KLC1: variants seen among roughly 807,000 people sequenced by gnomAD.
KLC1 encodes kinesin 2 60/70kDa.
A neutral mutation model predicts 84.2 loss-of-function variants in KLC1; 30 were observed. That is an observed-to-expected ratio of 0.36 (90% CI 0.27 to 0.48). The LOEUF is 0.48. Ranked by LOEUF, KLC1 falls within the 20% of genes least tolerant of loss-of-function variation. The probability of loss-of-function intolerance (pLI) is 0.99; values close to 1 mark genes in which losing one functional copy is unlikely to be tolerated. For synonymous variants in KLC1, 289 were observed against 293.3 expected (o/e 0.99, Z 0.15); for missense variants, 499 against 805.4 (o/e 0.62, Z 4.60).
Position 103,657,776 on chromosome 14 carries a change from C to T in KLC1, c.492C>T (p.Ser164=), listed in dbSNP as rs754322654. 8.7e-6 allele frequency: 14 copies of T among 1,606,758 alleles called. No individual in the cohort carries two copies. The highest frequency in any genetic ancestry group is 5.0e-5 in the Admixed American group (3 of 59,748). Residue 164 remains serine, a splice_region_variant and synonymous_variant, in exon 3 of 17, where the codon TCC becomes TCT. Transcript: ENST00000334553. The part of the protein sequence containing the change: ...LKKYDDDISP[S]EDKDTDSTKE... Reference sequence around the variant, plus strand: ...AATATGATGACGACATTTCCCCATCCGTGAGTGGCTCTGTAGCAAATGTGG... The same window carrying T: ...AATATGATGACGACATTTCCCCATCTGTGAGTGGCTCTGTAGCAAATGTGG...
At chr14:103,643,832 T>G (rs1336511842) in intron 1 of KLC1, among the ~76,000 whole-genome samples, 1 of 151,768 alleles carries the variant, frequency 6.6e-6, no homozygotes, top group Non-Finnish European at 1.5e-5. Context: ...GGAGGCTGAG[T>G]CAGGAGAATC....
chr14:103,662,117 A>G lies in KLC1; in HGVS notation c.494A>G (p.Glu165Gly), dbSNP rs1308134813. ...KKYDDDISPSEDKDTDSTKEP... is the reference protein window; with the variant it reads ...KKYDDDISPSGDKDTDSTKEP... ...TGTTGTCCTGGGTCTGTTTTATAGG[A>G]GGACAAAGACACTGATTCTACCAAA... Residue 165 changes from glutamate (E) to glycine (G), a missense_variant and splice_region_variant, in exon 4 of 17, where the codon GAG (glutamate) becomes GGG (glycine). Physicochemically the swap from Glu to Gly is moderately conservative, Grantham distance 98 (BLOSUM62 -2). Coordinates refer to ENST00000334553, the MANE Select transcript of KLC1 (RefSeq NM_001394837.1). 1 of 1,612,718 alleles carries G rather than the reference A, an allele frequency of 6.2e-7. No individual in the cohort carries two copies. The highest frequency in any genetic ancestry group is 1.1e-5 in the South Asian group (1 of 91,060).
intron 1 of KLC1, among the ~76,000 whole-genome samples, chr14:103,643,226 A>G (rs1217473569): frequency 6.6e-6 from 1 of 152,260 alleles, no homozygotes; most frequent in Non-Finnish European, 1.5e-5. Flanking sequence ...AAATAATGGT[A>G]GATTCTTCCA....
intron 11 of KLC1, among the ~76,000 whole-genome samples, chr14:103,676,413 C>G (rs1414237714): frequency 6.6e-6 from 1 of 152,134 alleles, no homozygotes; most frequent in Admixed American, 6.5e-5. Flanking sequence ...AGACTACAGT[C>G]TGTCGCCATG....
At chr14:103,695,514 G>A (rs1413653494) in intron 15 of KLC1, 2 of 985,248 alleles carry the variant, frequency 2.0e-6, no homozygotes, top group East Asian at 1.1e-4. Context: ...GAGGGCTCCG[G>A]AGCTTCCCTT....
At chr14:103,684,996 T>G in intron 13 of KLC1, 2 of 1,157,282 alleles carry the variant, frequency 1.7e-6, no homozygotes, top group Non-Finnish European at 1.3e-6. Context: ...ATGAGGAAAA[T>G]GAAGCTCGGG....
chr14:103,695,483 CTG>C, intron 15 of KLC1: 10 of 985,138 alleles, frequency 1.0e-5, no homozygotes, highest in Middle Eastern at 1.0e-3. Context: ...TGGGCTATGT[CTG>C]TGCACAGGCG....
At chr14:103,664,171 A>G (rs1006080127) in intron 5 of KLC1, among the ~76,000 whole-genome samples, 3 of 152,010 alleles carry the variant, frequency 2.0e-5, no homozygotes, top group East Asian at 1.9e-4. Flanking sequence ...CTTTTTTTTG[A>G]GACAGAGTCT....
At chr14:103,695,353 ATATAT>A (rs2082375334) in intron 15 of KLC1, 1 of 630,480 alleles carries the variant, frequency 1.6e-6, no homozygotes, top group Non-Finnish European at 2.0e-6. Context: ...ATATATATAT[ATATAT>A]ATACATACAT....
intron 11 of KLC1, among the ~76,000 whole-genome samples, chr14:103,676,625 T>A (rs1380525562): frequency 6.6e-6 from 1 of 152,138 alleles, no homozygotes; most frequent in East Asian, 1.9e-4. Flanking sequence ...TTCAGAAAAC[T>A]CTCTGAACTC....
chr14:103,662,968 C>A, intron 5 of KLC1, 41 bp downstream of exon 5: 1 of 1,402,466 alleles, frequency 7.1e-7, no homozygotes, highest in Admixed American at 2.2e-5. Context: ...TACCTAGAGA[C>A]AATGTTTTTA....
intron 13 of KLC1, chr14:103,679,823 G>A (rs2081205338): frequency 5.5e-6 from 2 of 361,364 alleles, no homozygotes. Flanking sequence ...TCCCTGTCTG[G>A]TTTCATTTTA....
At chr14:103,684,982 A>T in intron 13 of KLC1, 3 of 1,012,626 alleles carry the variant, frequency 3.0e-6, no homozygotes, top group Non-Finnish European at 4.6e-6. Flanking sequence ...TTTCCATTTT[A>T]AAGATGAGGA....
chr14:103,698,465 G>GAAGCAGGCGGC (rs2082764399), intron 15 of KLC1: 1 of 380,686 alleles, frequency 2.6e-6, no homozygotes, highest in African/African-American at 2.1e-5. Flanking sequence ...GTGGAGAGAA[G>GAAGCAGGCGGC]AAGCAGGCGG....
chr14:103,654,468 A>G (rs1595368030), intron 1 of KLC1, 96 bp from the exon 2 acceptor site: 4 of 931,818 alleles, frequency 4.3e-6, no homozygotes, highest in South Asian at 1.8e-5. Context: ...TTATTCCCCT[A>G]TAAAATGTTA....
intron 9 of KLC1, among the ~76,000 whole-genome samples, chr14:103,675,294 C>T (rs1292241400): frequency 1.3e-5 from 2 of 152,170 alleles, no homozygotes; most frequent in African/African-American, 4.8e-5. Context: ...CACTGCACTC[C>T]AGCCTGGGCA....
chr14:103,690,027 A>C (rs1414460040), intron 14 of KLC1, among the ~76,000 whole-genome samples: 1 of 152,100 alleles, frequency 6.6e-6, no homozygotes, highest in Non-Finnish European at 1.5e-5. Context: ...TAAAAATACA[A>C]AAATTAGCCG....
Position 103,693,272 on chromosome 14 carries a change from G to A in KLC1, c.1848+847G>A, listed in dbSNP as rs1203018824. ...AAAGCTTTTCCCCAGCCCCCTTCTC[G>A]GTGGCTGTTAAAGAGGCTTGTAGGG... On this transcript the variant is annotated intron_variant, in intron 15 of 16. Transcript: ENST00000334553. This position sits in a 1 kb window ranked among gnomAD's most constrained non-coding sequence, Gnocchi z 5.1. Among the ~76,000 whole-genome samples the A allele has an allele frequency of 1.3e-5, 2 of 152,190 alleles. No individual in the cohort carries two copies. Among genetic ancestry groups the A allele is most frequent in the African/African-American group, 4.8e-5 (2 of 41,536 alleles).
intron 1 of KLC1, among the ~76,000 whole-genome samples, chr14:103,648,731 G>T (rs2078152171): frequency 6.6e-6 from 1 of 152,178 alleles, no homozygotes; most frequent in African/African-American, 2.4e-5. Context: ...AGCCCAGGAG[G>T]TGGAGGTTGT....
Sources: gnomAD v4.1 joint callset for allele counts (sites outside exome capture counted in the v4.1 genomes callset) on GRCh38, gnomAD v4.1.1 for gene constraint, Gnocchi (gnomAD v3.1) non-coding constraint, MANE v1.5 for transcripts, NCBI Gene and HGNC (gene_info 2026-07-23, HGNC 2026-07-21) for gene names.